Variants in LRRC8A observed in about 807,000 individuals in gnomAD.
The protein encoded by LRRC8A is volume-regulated anion channel subunit LRRC8A.
Under a neutral mutation model 52.5 loss-of-function variants are expected in LRRC8A, and 24 were observed. That is an observed-to-expected ratio of 0.46 (90% confidence interval 0.33 to 0.64). LRRC8A has a LOEUF of 0.64. Among genes scored for constraint, LRRC8A ranks in the 30% least tolerant of loss-of-function variants. The pLI, the probability that LRRC8A is intolerant of heterozygous loss-of-function variation, is 0.02. For synonymous variants in LRRC8A, 492 were observed against 494.2 expected (o/e 1.00, Z 0.06); for missense variants, 677 against 1,094.7 (o/e 0.62, Z 5.38).
At position 128,916,637 on chromosome 9, in the gene LRRC8A, G is replaced by A. The variant is rs1043030176; in HGVS notation, c.*266G>A. Reference sequence around the variant, plus strand: ...AAGAGCGCAGTATTTGGATAATCAGGGTCTCCTCCCTGGAGGCCAGCTCTG... The same window carrying A: ...AAGAGCGCAGTATTTGGATAATCAGAGTCTCCTCCCTGGAGGCCAGCTCTG... On this transcript the variant is annotated 3_prime_UTR_variant, in exon 4 of 4. Coordinates refer to ENST00000372600, the MANE Select transcript of LRRC8A (RefSeq NM_019594.4). This position sits in a 1 kb window ranked among gnomAD's most constrained non-coding sequence, Gnocchi z 6.1. The A allele has an allele frequency of 4.9e-5, 22 of 447,030 alleles. 1 individual carries two copies. The highest frequency in any genetic ancestry group is 4.0e-6 in the Non-Finnish European group (1 of 248,604). 27.7% of individuals were successfully genotyped at this position (447,030 alleles called of 1,614,324 possible).
At chr9:128,906,467 C>T (rs187506318) in intron 2 of LRRC8A, among the ~76,000 whole-genome samples, 2 of 151,846 alleles carry the variant, frequency 1.3e-5, no homozygotes, top group African/African-American at 4.8e-5. Context: ...GGATTACAGG[C>T]ACCCGCCACT....
intron 3 of LRRC8A, among the ~76,000 whole-genome samples, chr9:128,913,930 C>T (rs1467482591): frequency 6.6e-6 from 1 of 152,208 alleles, no homozygotes; most frequent in Non-Finnish European, 1.5e-5. Context: ...CTGGGCTGGG[C>T]ATGGTGGCTC....
chr9:128,882,483 G>C, intron 1 of LRRC8A: 1 of 383,680 alleles, frequency 2.6e-6, no homozygotes, highest in Admixed American at 4.5e-5. Context: ...CCCCCTCCCA[G>C]GCACCCCTGT....
In LRRC8A at chr9:128,907,662, G is replaced by A. The variant is rs1307364211; in HGVS notation, c.498G>A (p.Ser166=). The change falls in exon 3 of 4, where the codon TCG becomes TCA. Residue 166 remains serine, a synonymous_variant. Coordinates refer to ENST00000372600, the MANE Select transcript of LRRC8A (RefSeq NM_019594.4). This position sits in a 1 kb window ranked among gnomAD's most constrained non-coding sequence, Gnocchi z 9.3. ...FVSILLKCFD[S]PWTTRALSET... The stretch of plus-strand genomic sequence containing the variant: ...CTATCCTGCTGAAGTGCTTCGACTC[G>A]CCCTGGACCACGAGGGCCCTGTCGG... 10 of 1,614,026 alleles carry A rather than the reference G, an allele frequency of 6.2e-6. No individual in the cohort carries two copies. Among genetic ancestry groups the A allele is most frequent in the Middle Eastern group, 1.6e-4 (1 of 6,062 alleles).
At position 128,899,240 on chromosome 9, in the gene LRRC8A, C is replaced by A. The variant is rs1172882422; in HGVS notation, c.-8-7917C>A. 6.6e-6 allele frequency among the ~76,000 whole-genome samples: 1 copy of A among 152,212 alleles called. No homozygotes were observed. The highest frequency in any genetic ancestry group is 1.5e-5 in the Non-Finnish European group (1 of 68,040). Reference sequence around the variant, plus strand: ...TCCACAGCTCCGCCAGGACGCAGTGCCAGCTGAGAGGGCCGAGCACAGGGA... The same window carrying A: ...TCCACAGCTCCGCCAGGACGCAGTGACAGCTGAGAGGGCCGAGCACAGGGA... On this transcript the variant is annotated intron_variant, in intron 2 of 3. Coordinates refer to ENST00000372600, the MANE Select transcript of LRRC8A (RefSeq NM_019594.4). This position sits in a 1 kb window ranked among gnomAD's most constrained non-coding sequence, Gnocchi z 4.0.
chr9:128,889,790 G>A (rs980635411), intron 2 of LRRC8A, among the ~76,000 whole-genome samples: 1 of 151,594 alleles, frequency 6.6e-6, no homozygotes, highest in Non-Finnish European at 1.5e-5. Context: ...ACTGCGCCTG[G>A]CCAATTTTTT....
At chr9:128,889,969 A>C (rs1421855262) in intron 2 of LRRC8A, among the ~76,000 whole-genome samples, 1 of 151,190 alleles carries the variant, frequency 6.6e-6, no homozygotes, top group Non-Finnish European at 1.5e-5. Context: ...CGCCTGGCTA[A>C]TTTTTGTATT....
chr9:128,903,117 A>G (rs1224972573), intron 2 of LRRC8A, among the ~76,000 whole-genome samples: 2 of 152,128 alleles, frequency 1.3e-5, no homozygotes, highest in Non-Finnish European at 2.9e-5. Context: ...GGATGTTGGC[A>G]GGTGATGTCA....
In LRRC8A at chr9:128,916,405, C is replaced by A. The variant is rs1473314495; in HGVS notation, c.*34C>A. The A allele has an allele frequency of 1.3e-6, 2 of 1,586,938 alleles. No individual in the cohort carries two copies. Among genetic ancestry groups the A allele is most frequent in the African/African-American group, 2.7e-5 (2 of 74,626 alleles). The stretch of plus-strand genomic sequence containing the variant: ...GGCCCAGCACAGCAAGCAGCAGGAC[C>A]GCTGCCCAGTCCTCAGGCCCGGAGG... On this transcript the variant is annotated 3_prime_UTR_variant, in exon 4 of 4. Transcript: ENST00000372600. This position sits in a 1 kb window ranked among gnomAD's most constrained non-coding sequence, Gnocchi z 6.1.
At chr9:128,906,846 G>C (rs1840272285) in intron 2 of LRRC8A, among the ~76,000 whole-genome samples, 1 of 152,226 alleles carries the variant, frequency 6.6e-6, no homozygotes. Context: ...TGGAATGCAA[G>C]GGATGGAGCA....
At chr9:128,914,641 T>C (rs957609070) in intron 3 of LRRC8A, among the ~76,000 whole-genome samples, 1 of 152,138 alleles carries the variant, frequency 6.6e-6, no homozygotes, top group Non-Finnish European at 1.5e-5. Flanking sequence ...GGGGCGGTGA[T>C]AGAGCAAGCT....
chr9:128,914,583 G>A (rs1840722627), intron 3 of LRRC8A, among the ~76,000 whole-genome samples: 1 of 152,202 alleles, frequency 6.6e-6, no homozygotes. Flanking sequence ...AACCTCAGAC[G>A]AGTGGCGTGT....
In LRRC8A at chr9:128,916,703, A is replaced by T. The variant is rs1194391802; in HGVS notation, c.*332A>T. ...TGCCACCAGAGGTCCTGGGACCCTC[A>T]CTTTAGTTCTTGGTATTTATTTTTC... On this transcript the variant is annotated 3_prime_UTR_variant, in exon 4 of 4. Coordinates refer to ENST00000372600, the MANE Select transcript of LRRC8A (RefSeq NM_019594.4). This position sits in a 1 kb window ranked among gnomAD's most constrained non-coding sequence, Gnocchi z 6.1. 2.3e-5 allele frequency: 6 copies of T among 265,782 alleles called. No homozygotes were observed. Among genetic ancestry groups the T allele is most frequent in the Non-Finnish European group, 4.3e-5 (6 of 139,070 alleles). 16.5% of individuals were successfully genotyped at this position (265,782 alleles called of 1,614,324 possible). A position where few individuals can be genotyped will look rare whatever the true frequency, so the allele number is the denominator to read the frequency against.
chr9:128,907,101 G>T lies in LRRC8A; in HGVS notation c.-8-56G>T. ...CATTGTCTTCTTCCCCTGACCCCTG[G>T]TCCTAGGAAAGCCAGGCCACCCTGT... On this transcript the variant is annotated intron_variant, in intron 2 of 3. Coordinates refer to ENST00000372600, the MANE Select transcript of LRRC8A (RefSeq NM_019594.4). The surrounding 1 kb of genome is among the most constrained non-coding windows in gnomAD (Gnocchi z 9.3). 7.3e-7 allele frequency: 1 copy of T among 1,377,910 alleles called. No individual in the cohort carries two copies. Among genetic ancestry groups the T allele is most frequent in the Non-Finnish European group, 1.0e-6 (1 of 996,234 alleles). 85.4% of individuals were successfully genotyped at this position (1,377,910 alleles called of 1,614,324 possible).
chr9:128,882,334 CGGGGCGCCCGGG>C (rs1839078247), intron 1 of LRRC8A, 84 bp downstream of exon 1: 1 of 176,250 alleles, frequency 5.7e-6, no homozygotes, highest in Admixed American at 6.3e-5. Flanking sequence ...CTGCCCGGCC[CGGGGCGCCCGGG>C]GCATCTGGGG....
At position 128,907,944 on chromosome 9, in the gene LRRC8A, G is replaced by A. The variant is rs1462036018; in HGVS notation, c.780G>A (p.Val260=). The part of the protein sequence containing the change: ...FRTHVEEGDI[V]YRLYMRQTII... ...CCCATGTGGAGGAGGGGGACATTGT[G>A]TACCGCCTCTACATGCGGCAGACCA... Residue 260 remains valine (V), a synonymous_variant, in exon 3 of 4, where the codon GTG becomes GTA. Transcript: ENST00000372600. The surrounding 1 kb of genome is among the most constrained non-coding windows in gnomAD (Gnocchi z 9.3). The A allele has an allele frequency of 1.9e-6, 3 of 1,614,020 alleles. No homozygotes were observed. The highest frequency in any genetic ancestry group is 2.7e-5 in the African/African-American group (2 of 74,930).
chr9:128,905,626 G>C (rs12351108), intron 2 of LRRC8A, among the ~76,000 whole-genome samples: 1 of 152,118 alleles, frequency 6.6e-6, no homozygotes, highest in African/African-American at 2.4e-5. Context: ...GGGCAGATCA[G>C]GAGGTAAAGG....
chr9:128,910,364 C>T (rs559333426), intron 3 of LRRC8A, among the ~76,000 whole-genome samples: 25 of 152,302 alleles, frequency 1.6e-4, no homozygotes, highest in African/African-American at 4.3e-4. Context: ...GTGAACTTCA[C>T]TAGGGATGCC....
intron 3 of LRRC8A, among the ~76,000 whole-genome samples, chr9:128,912,178 C>A (rs543738813): frequency 6.6e-6 from 1 of 152,184 alleles, no homozygotes; most frequent in Non-Finnish European, 1.5e-5. Flanking sequence ...CCACCTTGGC[C>A]GCCCAAAGTG....
Sources: gnomAD v4.1 joint callset for allele counts (sites outside exome capture counted in the v4.1 genomes callset) on GRCh38, gnomAD v4.1.1 for gene constraint, Gnocchi (gnomAD v3.1) non-coding constraint, MANE v1.5 for transcripts, NCBI Gene and HGNC (gene_info 2026-07-23, HGNC 2026-07-21) for gene names.